The following RASGRF2 variants were observed in gnomAD, a reference collection of about 807,000 sequenced individuals.
RASGRF2 encodes the protein ras-specific guanine nucleotide-releasing factor 2.
A neutral mutation model predicts 151.0 loss-of-function variants in RASGRF2; 76 were observed. That is an observed-to-expected ratio of 0.50 (90% CI 0.42 to 0.61). The LOEUF is 0.61. RASGRF2 is among the 20% of genes least tolerant of loss of function. RASGRF2 has a pLI of 0.00. For synonymous variants in RASGRF2, 504 were observed against 566.5 expected (o/e 0.89, Z 1.57); for missense variants, 1,148 against 1,564.6 (o/e 0.73, Z 4.49).
intron 15 of RASGRF2, among the ~76,000 whole-genome samples, chr5:81,121,826 C>G (rs543385650): frequency 6.6e-6 from 1 of 152,326 alleles, no homozygotes; most frequent in Admixed American, 6.5e-5. Context: ...AAGGGTCGCT[C>G]ACTGTATTCA....
chr5:80,982,322 C>T (rs67133570), intron 1 of RASGRF2, among the ~76,000 whole-genome samples: 41,075 of 151,884 alleles, frequency 0.27, 5,957 homozygotes, highest in Middle Eastern at 0.42. Context: ...ATGACTTGGG[C>T]GGGGGTTAGT....
chr5:81,053,733 G>A (rs1365596385), intron 2 of RASGRF2, among the ~76,000 whole-genome samples: 1 of 152,162 alleles, frequency 6.6e-6, no homozygotes, highest in Admixed American at 6.5e-5. Context: ...CTAGTTTACA[G>A]TCCCACCAAC....
At chr5:81,202,149 A>G (rs1222302636) in intron 19 of RASGRF2, among the ~76,000 whole-genome samples, 1 of 151,846 alleles carries the variant, frequency 6.6e-6, no homozygotes, top group Admixed American at 6.6e-5. Flanking sequence ...CTCTATGTGG[A>G]AAGGGCAGCC....
chr5:81,091,520 C>T (rs527845285), intron 9 of RASGRF2, among the ~76,000 whole-genome samples: 1 of 152,298 alleles, frequency 6.6e-6, no homozygotes, highest in South Asian at 2.1e-4. Context: ...CTGCAGCACT[C>T]ACCAAAATAG....
At chr5:81,017,582 G>T (rs971789716) in intron 1 of RASGRF2, among the ~76,000 whole-genome samples, 34 of 152,156 alleles carry the variant, frequency 2.2e-4, no homozygotes, top group African/African-American at 8.0e-4. Flanking sequence ...GGTGGCAGCT[G>T]GAAGATTTGA....
intron 7 of RASGRF2, among the ~76,000 whole-genome samples, chr5:81,082,334 G>T (rs1349998025): frequency 6.6e-6 from 1 of 152,110 alleles, no homozygotes; most frequent in Non-Finnish European, 1.5e-5. Context: ...AAAATGCTGG[G>T]ATACTCTCCC....
chr5:81,041,870 CT>C (rs1750688551), intron 1 of RASGRF2, among the ~76,000 whole-genome samples: 2 of 152,200 alleles, frequency 1.3e-5, no homozygotes, highest in South Asian at 2.1e-4. Context: ...ACTCCCACCC[CT>C]GACCTCTGGA....
rs922588422 is a variant in RASGRF2 at position 81,086,946 on chromosome 5, C to T, written c.1383C>T (p.Ile461=). ...DILLDTSQTF[I]RQGSLIQVPS... ...TGCTGGACACCAGCCAAACGTTCAT[C>T]CGCCAAGGTAAGTCCCTGTGAAATG... Residue 461 remains isoleucine, a synonymous_variant, in exon 9 of 27, where the codon ATC becomes ATT. Transcript: ENST00000265080. The T allele has an allele frequency of 5.6e-6, 9 of 1,612,904 alleles. No homozygotes were observed. Among genetic ancestry groups the T allele is most frequent in the Non-Finnish European group, 7.6e-6 (9 of 1,178,888 alleles).
At chr5:81,104,500 G>T (rs1752790572) in intron 12 of RASGRF2, among the ~76,000 whole-genome samples, 1 of 151,916 alleles carries the variant, frequency 6.6e-6, no homozygotes. Flanking sequence ...TCGTTTTTGT[G>T]ATAATTTTCA....
chr5:81,112,348 C>T (rs897596225), intron 13 of RASGRF2, among the ~76,000 whole-genome samples: 5 of 152,106 alleles, frequency 3.3e-5, no homozygotes, highest in Admixed American at 2.6e-4. Context: ...TTAAAGTATA[C>T]AGGAGGATGT....
chr5:81,217,534 T>TAAGTAATA (rs1755765370), intron 25 of RASGRF2, 61 bp downstream of exon 25: 1 of 1,113,496 alleles, frequency 9.0e-7, no homozygotes, highest in Non-Finnish European at 1.2e-6. Flanking sequence ...GAGAAGAGGC[T>TAAGTAATA]AAGTAATAAA....
intron 14 of RASGRF2, among the ~76,000 whole-genome samples, 164 bp downstream of exon 14, chr5:81,113,022 C>A (rs192328404): frequency 1.3e-5 from 2 of 152,300 alleles, no homozygotes; most frequent in African/African-American, 4.8e-5. Context: ...ATGTAAAGGT[C>A]ACACAGAGTT....
chr5:81,038,864 C>CT (rs1342834143), intron 1 of RASGRF2, among the ~76,000 whole-genome samples: 4 of 152,158 alleles, frequency 2.6e-5, no homozygotes, highest in African/African-American at 7.2e-5. Flanking sequence ...GCATGAGCCC[C>CT]TGTGCCCGGC....
intron 1 of RASGRF2, among the ~76,000 whole-genome samples, chr5:80,978,078 T>G (rs766393973): frequency 1.7e-4 from 26 of 152,182 alleles, no homozygotes; most frequent in Non-Finnish European, 3.4e-4. Context: ...TTCTTTCTGG[T>G]ACGTAAATCC....
chr5:81,016,438 T>A (rs1230800258), intron 1 of RASGRF2, among the ~76,000 whole-genome samples: 1 of 152,224 alleles, frequency 6.6e-6, no homozygotes, highest in Non-Finnish European at 1.5e-5. Flanking sequence ...TAAATTCTCT[T>A]AGGCATTCTT....
chr5:81,161,192 G>T (rs1465660671), intron 17 of RASGRF2, among the ~76,000 whole-genome samples: 1 of 152,106 alleles, frequency 6.6e-6, no homozygotes, highest in African/African-American at 2.4e-5. Context: ...GCCTCAGATG[G>T]GTCAAGGACT....
intron 1 of RASGRF2, among the ~76,000 whole-genome samples, chr5:80,962,083 C>T (rs1047048240): frequency 6.6e-6 from 1 of 152,078 alleles, no homozygotes; most frequent in Non-Finnish European, 1.5e-5. Context: ...TGGAGTGATC[C>T]GTAAGATGCC....
chr5:81,197,546 C>A (rs1755294986), intron 18 of RASGRF2, among the ~76,000 whole-genome samples: 1 of 144,300 alleles, frequency 6.9e-6, no homozygotes, highest in Non-Finnish European at 1.5e-5. Flanking sequence ...TACAAAAATA[C>A]TAAATTCAAA....
intron 17 of RASGRF2, among the ~76,000 whole-genome samples, chr5:81,129,535 G>C (rs1263544173): frequency 6.6e-6 from 1 of 152,130 alleles, no homozygotes; most frequent in African/African-American, 2.4e-5. Flanking sequence ...TGGAGATGTG[G>C]TCAGGCAAAT....
Sources: allele counts gnomAD v4.1 joint callset (sites outside exome capture counted in the v4.1 genomes callset), GRCh38; gene constraint gnomAD v4.1.1; transcripts MANE v1.5; gene names NCBI Gene and HGNC (gene_info 2026-07-23, HGNC 2026-07-21).